The following KIFC3 variants were observed in gnomAD, a reference collection of about 807,000 sequenced individuals.
KIFC3 encodes kinesin-like protein KIFC3.
A neutral mutation model predicts 101.8 loss-of-function variants in KIFC3; 60 were observed. The ratio of observed to expected loss-of-function variants is 0.59; its 90% confidence interval spans 0.48 to 0.73. The LOEUF is 0.73. Ranked by LOEUF, KIFC3 falls within the 30% of genes least tolerant of loss-of-function variation. The pLI, the probability that KIFC3 is intolerant of heterozygous loss-of-function variation, is 0.00. For synonymous variants in KIFC3, 476 were observed against 482.7 expected, an observed-to-expected ratio of 0.99 and a Z score of 0.18; for missense variants, 966 against 1,137.1, an observed-to-expected ratio of 0.85 and a Z score of 2.16.
intron 1 of KIFC3, among the ~76,000 whole-genome samples, chr16:57,801,885 A>G (rs1598170897): frequency 6.6e-6 from 1 of 152,208 alleles, no homozygotes; most frequent in South Asian, 2.1e-4. Context: ...CCCGGAGGGC[A>G]CCGGCCAAGG....
chr16:57,792,425 C>T (rs562634179), intron 3 of KIFC3, among the ~76,000 whole-genome samples: 1 of 152,322 alleles, frequency 6.6e-6, no homozygotes, highest in South Asian at 2.1e-4. Context: ...TGAACAAATG[C>T]ATTAATTAAA....
intron 1 of KIFC3, among the ~76,000 whole-genome samples, chr16:57,800,839 G>A (rs1016505106): frequency 3.3e-5 from 5 of 152,112 alleles, no homozygotes; most frequent in Admixed American, 1.3e-4. Context: ...TCATTTACAT[G>A]GGCATCTGAG....
chr16:57,830,323 C>G (rs1555479065), intron 1 of KIFC3, among the ~76,000 whole-genome samples: 1 of 150,402 alleles, frequency 6.6e-6, no homozygotes, highest in Non-Finnish European at 1.5e-5. Flanking sequence ...CTGCAGCCTC[C>G]CCCTCCCGGG....
intron 1 of KIFC3, among the ~76,000 whole-genome samples, chr16:57,808,280 C>T (rs974714207): frequency 6.6e-6 from 1 of 152,126 alleles, no homozygotes; most frequent in Non-Finnish European, 1.5e-5. Context: ...AAAGATTTAG[C>T]AATAACCGCC....
At chr16:57,862,351 C>A (rs775245742) in intron 1 of KIFC3, among the ~76,000 whole-genome samples, 2 of 151,908 alleles carry the variant, frequency 1.3e-5, no homozygotes, top group African/African-American at 4.8e-5. Flanking sequence ...CTTAGAACAT[C>A]GTGCAACTTA....
intron 1 of KIFC3, among the ~76,000 whole-genome samples, chr16:57,835,624 G>A (rs997349379): frequency 6.6e-6 from 1 of 152,094 alleles, no homozygotes; most frequent in African/African-American, 2.4e-5. Context: ...CCAAAGTTTT[G>A]AGTGATTCAC....
chr16:57,760,763 G>A lies in KIFC3; in HGVS notation c.2195C>T (p.Ser732Leu), dbSNP rs782066289. ...GAGGGTCTTGCTGTCACCACTAAGC[G>A]AATCCTGCAGCAGGTAGGTGAGCTT... ...NSKLTYLLQD[S>L]LSGDSKTLMV... Residue 732 changes from serine (S) to leucine (L), a missense_variant, in exon 16 of 20, where the codon TCG becomes TTG. Ser to Leu is a moderately radical substitution (Grantham distance 145, BLOSUM62 -2). Around this residue, in one of 2 missense-constraint regions of KIFC3, gnomAD observed 689 missense variants for 884.6 expected, o/e 0.78. Coordinates refer to ENST00000445690, the MANE Select transcript of KIFC3 (RefSeq NM_001130100.2). 37 of 1,613,730 alleles carry A rather than the reference G, an allele frequency of 2.3e-5. No individual in the cohort carries two copies. The South Asian group carries it at 3.1e-4, about 13-fold the overall frequency.
At chr16:57,810,218 G>A (rs1203918358) in intron 1 of KIFC3, among the ~76,000 whole-genome samples, 6 of 152,140 alleles carry the variant, frequency 3.9e-5, no homozygotes, top group African/African-American at 1.4e-4. Context: ...CCTGGGTGGG[G>A]AGATGGGGAC....
At position 57,815,794 on chromosome 16, in the gene KIFC3, C is replaced by T. The variant is rs1276187346; in HGVS notation, c.109-17512G>A. ...CCTTGGGATCACCAACTTCTTCTGA[C>T]TCTCTACACACACACCCCCAAACAC... On this transcript the variant is annotated intron_variant, in intron 1 of 2. Transcript: ENST00000563028. 2.3e-4 allele frequency: 119 copies of T among 508,708 alleles called. 2 individuals carry two copies. Among genetic ancestry groups the T allele is most frequent in the South Asian group, 2.1e-3 (117 of 56,566 alleles). 31.5% of individuals were successfully genotyped at this position (508,708 alleles called of 1,614,324 possible). A position where few individuals can be genotyped will look rare whatever the true frequency, so the allele number is the denominator to read the frequency against.
At chr16:57,759,479 G>A (rs563173403) in intron 18 of KIFC3, 41 of 577,434 alleles carry the variant, frequency 7.1e-5, no homozygotes, top group East Asian at 1.7e-4. Flanking sequence ...CAGCACCCCC[G>A]GCTGAGAGGC....
Position 57,760,859 on chromosome 16 carries a change from G to A in KIFC3, c.2099C>T (p.Ser700Leu), listed in dbSNP as rs1555596024. 9 of 1,612,742 alleles carry A rather than the reference G, an allele frequency of 5.6e-6. No homozygotes were observed. The highest frequency in any genetic ancestry group is 1.3e-5 in the African/African-American group (1 of 74,918). ...AATGACGTCCCCCAGAGCCGACAGC[G>A]ACTTGTTGATGTGCTGCGCCTCCCG... ...RLREAQHINK[S>L]LSALGDVIAA... The change falls in exon 16 of 20, where the codon TCG (serine) becomes TTG (leucine). Residue 700 changes from serine (S) to leucine (L), a missense_variant. Coordinates refer to ENST00000445690, the MANE Select transcript of KIFC3 (RefSeq NM_001130100.2).
chr16:57,812,295 G>A (rs1389434281), intron 1 of KIFC3, among the ~76,000 whole-genome samples: 1 of 150,686 alleles, frequency 6.6e-6, no homozygotes, highest in African/African-American at 2.4e-5. Flanking sequence ...GCCCGCCTCA[G>A]CCTCCCAAAG....
intron 3 of KIFC3, chr16:57,775,487 T>C (rs1462882040): frequency 5.0e-6 from 5 of 990,764 alleles, no homozygotes; most frequent in Middle Eastern, 5.1e-4. Context: ...AGGCAATCTC[T>C]CAGAGTTAGG....
rs782338700 is a variant in KIFC3, at chr16:57,758,802, G to A, written c.*132C>T. ...GGGCAGAAGAAGAGCCTCCACTCTC[G>A]CCTCTACCTCCGGGGGTCCTGGCGC... On this transcript the variant is annotated 3_prime_UTR_variant, in exon 20 of 20. Transcript: ENST00000445690. 5 of 1,444,934 alleles carry A rather than the reference G, an allele frequency of 3.5e-6. No individual in the cohort carries two copies. The highest frequency in any genetic ancestry group is 2.3e-5 in the South Asian group (2 of 87,742). The allele number at this position is 1,444,934 out of a possible 1,614,324, so 89.5% of individuals were successfully genotyped here.
chr16:57,828,686 C>A (rs137981114), intron 1 of KIFC3, among the ~76,000 whole-genome samples: 290 of 152,310 alleles, frequency 1.9e-3, no homozygotes, highest in African/African-American at 6.2e-3. Flanking sequence ...GATGCTGGAG[C>A]AGGAAGCAGG....
At chr16:57,774,420 A>G (rs1470917634) in intron 3 of KIFC3, among the ~76,000 whole-genome samples, 2 of 152,178 alleles carry the variant, frequency 1.3e-5, no homozygotes, top group Non-Finnish European at 1.5e-5. Context: ...TCAACATATT[A>G]AGTCCAAGAA....
intron 1 of KIFC3, among the ~76,000 whole-genome samples, chr16:57,850,465 G>GT (rs373157438): frequency 0.31 from 25,684 of 83,970 alleles, 5,236 homozygotes; most frequent in Non-Finnish European, 0.37. Context: ...TTTAAAAAGG[G>GT]TTTTTTTTTT....
intron 3 of KIFC3, chr16:57,775,220 G>C (rs940758921): frequency 4.5e-6 from 6 of 1,321,334 alleles, no homozygotes; most frequent in Admixed American, 7.5e-5. Context: ...AGGCTGGGGA[G>C]CATGGGGGAT....
chr16:57,780,430 G>C (rs1432222069), intron 3 of KIFC3, among the ~76,000 whole-genome samples: 5 of 151,810 alleles, frequency 3.3e-5, no homozygotes, highest in African/African-American at 1.2e-4. Flanking sequence ...AGAATTCCTT[G>C]AACTCAGGAG....
Sources: gnomAD v4.1 joint callset for allele counts (sites outside exome capture counted in the v4.1 genomes callset) on GRCh38, gnomAD v4.1.1 for gene constraint, gnomAD v4.1.1 regional missense constraint, MANE v1.5 for transcripts, NCBI Gene and HGNC (gene_info 2026-07-23, HGNC 2026-07-21) for gene names.